TTLL1: variants seen among roughly 807,000 people sequenced by gnomAD.
TTLL1 encodes the protein TTL family tubulin polyglutamylase complex subunit L1, also known as polyglutamylase complex subunit TTLL1.
A neutral mutation model predicts 47.8 loss-of-function variants in TTLL1; 33 were observed. That is an observed-to-expected ratio of 0.69 (90% CI 0.52 to 0.92). TTLL1 has a LOEUF of 0.92. Ranked by LOEUF, TTLL1 falls within the 40% of genes least tolerant of loss-of-function variation. TTLL1 has a pLI of 0.00. For synonymous variants in TTLL1, 225 were observed against 214.1 expected (o/e 1.05, Z -0.45); for missense variants, 488 against 547.5 (o/e 0.89, Z 1.08).
intron 5 of TTLL1, among the ~76,000 whole-genome samples, chr22:43,066,694 A>T (rs1927759880): frequency 6.6e-6 from 1 of 150,798 alleles, no homozygotes. Context: ...AAAAAAAAAA[A>T]AATTTTTTTT....
chr22:43,074,224 C>T lies in TTLL1; in HGVS notation c.113+1250G>A, dbSNP rs1344283619. Among the ~76,000 whole-genome samples, 33 of 149,536 alleles carry T rather than the reference C, an allele frequency of 2.2e-4. 1 individual carries two copies. Among genetic ancestry groups the T allele is most frequent in the African/African-American group, 6.1e-4 (25 of 40,882 alleles). On this transcript the variant is annotated intron_variant, in intron 3 of 10. Coordinates refer to ENST00000266254, the MANE Select transcript of TTLL1 (RefSeq NM_012263.5). ...GGCGGATCACCTGAGGTCGGGAGTT[C>T]GAGACCAGCCTGACCAACATGGAGA...
intron 5 of TTLL1, among the ~76,000 whole-genome samples, chr22:43,065,584 T>TG (rs368460518): frequency 1.9e-4 from 29 of 151,802 alleles, no homozygotes; most frequent in African/African-American, 6.8e-4. Flanking sequence ...GCCACACACA[T>TG]GGCCAAATTT....
intron 9 of TTLL1, among the ~76,000 whole-genome samples, chr22:43,047,539 G>C: frequency 6.6e-6 from 1 of 152,066 alleles, no homozygotes; most frequent in Non-Finnish European, 1.5e-5. Flanking sequence ...TGTGATCTCA[G>C]CTCACTGCAG....
At chr22:43,056,033 C>T (rs963579404) in intron 8 of TTLL1, among the ~76,000 whole-genome samples, 10 of 152,086 alleles carry the variant, frequency 6.6e-5, no homozygotes, top group African/African-American at 1.9e-4. Flanking sequence ...GCGTGAGCCA[C>T]CATACCTGGC....
chr22:43,041,747 C>T (rs1456887895), intron 10 of TTLL1, among the ~76,000 whole-genome samples: 2 of 152,094 alleles, frequency 1.3e-5, no homozygotes, highest in African/African-American at 4.8e-5. Context: ...AACCCCTGAG[C>T]TCAAGCAATC....
At chr22:43,070,342 G>T in intron 3 of TTLL1, 1 of 547,894 alleles carries the variant, frequency 1.8e-6, no homozygotes. Context: ...CGACAGAGTT[G>T]AAAGAGAAAT....
At chr22:43,063,235 G>A (rs6003019) in intron 7 of TTLL1, among the ~76,000 whole-genome samples, 16,021 of 151,992 alleles carry the variant, frequency 0.11, 1,138 homozygotes, top group African/African-American at 0.19. Flanking sequence ...TGACTTGCCC[G>A]AGGCCACAGA....
chr22:43,049,550 A>C lies in TTLL1; in HGVS notation c.978+2251T>G, dbSNP rs143890449. 3.4e-3 allele frequency among the ~76,000 whole-genome samples: 508 copies of C among 150,848 alleles called. 1 individual carries two copies. Among genetic ancestry groups the C allele is most frequent in the African/African-American group, 0.012 (480 of 41,000 alleles). On this transcript the variant is annotated intron_variant, in intron 9 of 10. Coordinates refer to ENST00000266254, the MANE Select transcript of TTLL1 (RefSeq NM_012263.5). The stretch of plus-strand genomic sequence containing the variant: ...AAAAAACAAAACCAAACAAACAAAA[A>C]ACACACACAAAAAAACCCAGCTTGC...
intron 1 of TTLL1, among the ~76,000 whole-genome samples, chr22:43,082,589 G>A (rs924388886): frequency 3.3e-5 from 5 of 151,980 alleles, no homozygotes; most frequent in African/African-American, 4.8e-5. Context: ...GGTGGTGCGC[G>A]CCTGTGATCC....
intron 8 of TTLL1, among the ~76,000 whole-genome samples, chr22:43,055,965 G>A (rs940211736): frequency 1.7e-4 from 26 of 151,730 alleles, no homozygotes; most frequent in Non-Finnish European, 2.9e-4. Context: ...GGCAGGTCTC[G>A]AATTCCTGGG....
intron 9 of TTLL1, among the ~76,000 whole-genome samples, chr22:43,049,888 G>C (rs1412066461): frequency 6.6e-6 from 1 of 150,390 alleles, no homozygotes; most frequent in Non-Finnish European, 1.5e-5. Flanking sequence ...GAGCGCTCAG[G>C]AGTTGGAGAC....
Position 43,072,762 on chromosome 22 carries a change from G to A in TTLL1, c.113+2712C>T, listed in dbSNP as rs112407400. Among the ~76,000 whole-genome samples the A allele has an allele frequency of 1.6e-3, 250 of 152,222 alleles. 1 individual carries two copies. Among genetic ancestry groups the A allele is most frequent in the African/African-American group, 5.6e-3 (232 of 41,544 alleles). On this transcript the variant is annotated intron_variant, in intron 3 of 10. Transcript: ENST00000266254. ...GCTGGGATTACAGGCATGAGTCACT[G>A]CACCCAGGCACCCCACCACCCAGCT...
At chr22:43,045,499 T>TG (rs1446680486) in intron 10 of TTLL1, among the ~76,000 whole-genome samples, 6 of 118,920 alleles carry the variant, frequency 5.0e-5, no homozygotes, top group Admixed American at 1.1e-4. Flanking sequence ...TTTGTAGAGA[T>TG]GGGGTTTCGC....
At chr22:43,068,655 T>A in intron 4 of TTLL1, 65 bp from the exon 5 acceptor site, 1 of 1,352,602 alleles carries the variant, frequency 7.4e-7, no homozygotes, top group Non-Finnish European at 9.6e-7. Context: ...AACAGAAAGA[T>A]CTTGCCCTTG....
chr22:43,043,264 A>G (rs1199367178), intron 10 of TTLL1, among the ~76,000 whole-genome samples: 1 of 151,942 alleles, frequency 6.6e-6, no homozygotes. Flanking sequence ...TTGGCCGGGA[A>G]ATGGCGAGTC....
At chr22:43,076,707 C>T (rs541007897) in intron 2 of TTLL1, among the ~76,000 whole-genome samples, 17 of 151,094 alleles carry the variant, frequency 1.1e-4, no homozygotes, top group Admixed American at 2.6e-4. Context: ...GCAGAGATTG[C>T]GCCACTGCAC....
At chr22:43,086,428 C>T (rs914676588) in intron 1 of TTLL1, among the ~76,000 whole-genome samples, 4 of 152,086 alleles carry the variant, frequency 2.6e-5, no homozygotes, top group Admixed American at 6.6e-5. Flanking sequence ...TGGGTAGGAT[C>T]GTCATGAGCT....
In TTLL1 at chr22:43,059,424, T is replaced by G. The variant is rs1339600124; in HGVS notation, c.851A>C (p.Glu284Ala). Residue 284 changes from glutamate to alanine, a missense_variant, in exon 8 of 11, where the codon GAG (glutamate) becomes GCG (alanine). Physicochemically the swap from Glu to Ala is moderately radical, Grantham distance 107. Coordinates refer to ENST00000266254, the MANE Select transcript of TTLL1 (RefSeq NM_012263.5). The part of the protein sequence containing the change: ...GKEVTSKLFD[E>A]IHWIIVQSLK... ...GGACTGCACGATGATCCAGTGGATC[T>G]CGTCGAACAGCTTGCTGGTCACCTC... 1 of 1,613,884 alleles carries G rather than the reference T, an allele frequency of 6.2e-7. No homozygotes were observed. Among genetic ancestry groups the G allele is most frequent in the African/African-American group, 1.3e-5 (1 of 74,916 alleles).
chr22:43,068,511 G>A lies in TTLL1; in HGVS notation c.402C>T (p.Thr134=). ...CCTTGCCACAAGGCTTCATGATCCA[G>A]GTGCTGGACGGGCTCTTCCGGAACT... The part of the protein sequence containing the change: ...VEEFRKSPSS[T]WIMKPCGKAQ... Residue 134 remains threonine, a synonymous_variant, in exon 5 of 11, where the codon ACC becomes ACT. Transcript: ENST00000266254. The A allele has an allele frequency of 6.4e-7, 1 of 1,574,544 alleles. No individual in the cohort carries two copies. The highest frequency in any genetic ancestry group is 8.7e-7 in the Non-Finnish European group (1 of 1,151,188).
Sources: gnomAD v4.1 joint callset for allele counts (sites outside exome capture counted in the v4.1 genomes callset) on GRCh38, gnomAD v4.1.1 for gene constraint, MANE v1.5 for transcripts, NCBI Gene and HGNC (gene_info 2026-07-23, HGNC 2026-07-21) for gene names.